The following PCNX2 variants were observed in gnomAD, a reference collection of about 807,000 sequenced individuals.
PCNX2 encodes pecanex 2.
Under a neutral mutation model 223.8 loss-of-function variants are expected in PCNX2, and 168 were observed. The observed-to-expected ratio is 0.75, with a 90% confidence interval of 0.66 to 0.85. The LOEUF is 0.85. Among genes scored for constraint, PCNX2 ranks in the 40% least tolerant of loss-of-function variants. The pLI is 0.00. For missense variants in PCNX2, 2,507 were observed against 2,675.5 expected, an observed-to-expected ratio of 0.94 and a Z score of 1.39; for synonymous variants, 1,006 against 1,052.6, an observed-to-expected ratio of 0.96 and a Z score of 0.86.
Position 233,262,170 on chromosome 1 carries a change from C to T in PCNX2, c.360-5G>A. ...TTGTGAATCTGCCTATTATTGCTAA[C>T]CCAACATGAGAAACACAAGAGCAGT... On this transcript the variant is annotated splice_polypyrimidine_tract_variant and splice_region_variant and intron_variant, in intron 2 of 33. Transcript: ENST00000258229. 1 of 1,613,510 alleles carries T rather than the reference C, an allele frequency of 6.2e-7. No individual in the cohort carries two copies. Among genetic ancestry groups the T allele is most frequent in the Non-Finnish European group, 8.5e-7 (1 of 1,179,608 alleles).
At chr1:233,079,616 C>A (rs1275458689) in intron 23 of PCNX2, among the ~76,000 whole-genome samples, 1 of 151,690 alleles carries the variant, frequency 6.6e-6, no homozygotes, top group Non-Finnish European at 1.5e-5. Flanking sequence ...CTTTTGATTT[C>A]AAGTGACAGA....
chr1:233,231,233 A>G (rs188727800), intron 9 of PCNX2, among the ~76,000 whole-genome samples: 1 of 152,154 alleles, frequency 6.6e-6, no homozygotes, highest in African/African-American at 2.4e-5. Context: ...GTAAAGAGAA[A>G]GCTACCTTCA....
chr1:233,183,931 C>G (rs1558319222), intron 15 of PCNX2, among the ~76,000 whole-genome samples: 1 of 152,214 alleles, frequency 6.6e-6, no homozygotes, highest in African/African-American at 2.4e-5. Context: ...ATAGGGCTGG[C>G]TCTTCCATCC....
At chr1:233,042,280 G>A (rs3766477) in intron 25 of PCNX2, among the ~76,000 whole-genome samples, 17,568 of 152,078 alleles carry the variant, frequency 0.12, 1,119 homozygotes, top group East Asian at 0.26. Flanking sequence ...GTTTCAACCT[G>A]CCAGCCTCAT....
intron 10 of PCNX2, 48 bp downstream of exon 10, chr1:233,227,178 G>A (rs368121243): frequency 8.1e-5 from 126 of 1,547,994 alleles, no homozygotes; most frequent in Middle Eastern, 1.7e-4. Context: ...GCACTGTCAC[G>A]TCCCCGGTGT....
chr1:233,255,731 G>A (rs1419949924), intron 5 of PCNX2, among the ~76,000 whole-genome samples: 2 of 152,134 alleles, frequency 1.3e-5, no homozygotes, highest in Non-Finnish European at 2.9e-5. Context: ...TTCTAGTCAG[G>A]TCCAAGTTCA....
At chr1:232,984,645 T>A in intron 33 of PCNX2, 168 bp from the exon 34 acceptor site, 1 of 675,038 alleles carries the variant, frequency 1.5e-6, no homozygotes, top group Non-Finnish European at 2.4e-6. Flanking sequence ...CACAGTGGCC[T>A]CTGAGGACAG....
chr1:233,229,561 G>T (rs928211967), intron 9 of PCNX2, among the ~76,000 whole-genome samples: 9 of 152,112 alleles, frequency 5.9e-5, no homozygotes, highest in African/African-American at 2.2e-4. Context: ...TACTGTCCTT[G>T]TTATGTAAGA....
At chr1:233,151,685 TA>T (rs1368205041) in intron 19 of PCNX2, among the ~76,000 whole-genome samples, 3 of 151,984 alleles carry the variant, frequency 2.0e-5, no homozygotes, top group Non-Finnish European at 4.4e-5. Context: ...TTTATTTATT[TA>T]TTTTTGAGAC....
chr1:233,050,298 T>C (rs974910143), intron 25 of PCNX2, among the ~76,000 whole-genome samples: 7 of 151,706 alleles, frequency 4.6e-5, no homozygotes, highest in African/African-American at 1.7e-4. Flanking sequence ...AAACTACCAA[T>C]GTCATTTTTC....
intron 25 of PCNX2, among the ~76,000 whole-genome samples, chr1:233,051,744 A>G (rs1467877733): frequency 6.6e-6 from 1 of 152,218 alleles, no homozygotes; most frequent in Non-Finnish European, 1.5e-5. Context: ...GTTGAGTCCT[A>G]TGAGCAGTAC....
At chr1:233,300,601 G>A (rs1662242862), upstream of PCNX2, among the ~76,000 whole-genome samples, 1 of 152,218 alleles carries the variant, frequency 6.6e-6, no homozygotes, top group Non-Finnish European at 1.5e-5. Flanking sequence ...TAGCTTTGCA[G>A]AGCAGTACAA....
chr1:233,299,123 T>C (rs1572225516), upstream of PCNX2, among the ~76,000 whole-genome samples: 1 of 152,148 alleles, frequency 6.6e-6, no homozygotes, highest in Admixed American at 6.5e-5. Context: ...ATTCCTTCCA[T>C]TGTGCCTTTT....
chr1:233,132,148 C>T (rs1168501293), intron 21 of PCNX2, among the ~76,000 whole-genome samples: 1 of 152,122 alleles, frequency 6.6e-6, no homozygotes, highest in African/African-American at 2.4e-5. Context: ...CCATGTTGGT[C>T]AGGCTGGTCT....
chr1:233,321,614 A>C, the PCNX2 span, among the ~76,000 whole-genome samples: 1 of 152,144 alleles, frequency 6.6e-6, no homozygotes, highest in East Asian at 1.9e-4. Context: ...TTTTTCTTTA[A>C]AATGTCATCA....
intron 19 of PCNX2, among the ~76,000 whole-genome samples, chr1:233,140,245 C>T (rs1292365042): frequency 1.3e-5 from 2 of 152,146 alleles, no homozygotes; most frequent in Non-Finnish European, 2.9e-5. Flanking sequence ...GGGTTCACTT[C>T]TGTGGCTGAA....
intron 17 of PCNX2, among the ~76,000 whole-genome samples, chr1:233,175,013 A>G (rs1242955121): frequency 6.6e-6 from 1 of 152,208 alleles, no homozygotes; most frequent in Non-Finnish European, 1.5e-5. Flanking sequence ...CACAGGCCAG[A>G]TGAATCAGAA....
Position 233,236,963 on chromosome 1 carries a change from G to A in PCNX2, c.2240C>T (p.Ser747Phe), listed in dbSNP as rs948380925. 6.2e-7 allele frequency: 1 copy of A among 1,613,966 alleles called. No homozygotes were observed. The highest frequency in any genetic ancestry group is 8.5e-7 in the Non-Finnish European group (1 of 1,179,870). The change falls in exon 9 of 34, where the codon TCC becomes TTC. Residue 747 changes from serine (S) to phenylalanine (F), a missense_variant. By Grantham distance (155) the Ser-to-Phe change is radical (BLOSUM62 -2). Around this residue, in one of 3 missense-constraint regions of PCNX2, gnomAD observed 1,031 missense variants for 1,021.7 expected, o/e 1.01. Transcript: ENST00000258229. ...ACTCTCAGAAGTTGTGGTACTGGAG[G>A]AGCTGACCTGCATCTCTCTGAGGAT... Reference protein sequence around the residue: ...LSQAREMQVSSSSTTTSESQD... With the variant: ...LSQAREMQVSFSSTTTSESQD...
At chr1:233,006,051 A>T (rs1395880134) in intron 28 of PCNX2, among the ~76,000 whole-genome samples, 1 of 152,132 alleles carries the variant, frequency 6.6e-6, no homozygotes, top group Non-Finnish European at 1.5e-5. Flanking sequence ...AACTCGGCAC[A>T]TGTGTAATCA....
Sources: allele counts gnomAD v4.1 joint callset (sites outside exome capture counted in the v4.1 genomes callset), GRCh38; gene constraint gnomAD v4.1.1; regional missense constraint gnomAD v4.1.1; transcripts MANE v1.5; gene names NCBI Gene and HGNC (gene_info 2026-07-23, HGNC 2026-07-21).